Variants in RASEF observed in about 807,000 individuals in gnomAD.
RASEF encodes the protein ras and EF-hand domain-containing protein.
Under a neutral mutation model 90.1 loss-of-function variants are expected in RASEF, and 68 were observed. The observed-to-expected ratio is 0.75, with a 90% CI of 0.62 to 0.92. RASEF has a LOEUF of 0.92. RASEF is among the 40% of genes least tolerant of loss of function. The probability of loss-of-function intolerance (pLI) is 0.00; values close to 1 mark genes in which losing one functional copy is unlikely to be tolerated. For synonymous variants in RASEF, 331 were observed against 345.2 expected (o/e 0.96, Z 0.46); for missense variants, 949 against 937.2 (o/e 1.01, Z -0.16).
the RASEF span, among the ~76,000 whole-genome samples, chr9:83,199,576 A>G: frequency 3.3e-5 from 5 of 152,216 alleles, no homozygotes; most frequent in Non-Finnish European, 7.3e-5. Flanking sequence ...AAATCCTCTT[A>G]CGCAGTTTCT....
At chr9:83,099,451 A>G in the RASEF span, among the ~76,000 whole-genome samples, 31 of 152,340 alleles carry the variant, frequency 2.0e-4, no homozygotes, top group African/African-American at 7.2e-4. Flanking sequence ...TTATTTTCTC[A>G]TATACTCAGG....
the RASEF span, among the ~76,000 whole-genome samples, chr9:83,152,551 T>C: frequency 6.6e-6 from 1 of 152,226 alleles, no homozygotes; most frequent in Non-Finnish European, 1.5e-5. Context: ...CTTAATCCAC[T>C]GCCTTTCTTC....
At chr9:83,174,279 T>C in the RASEF span, among the ~76,000 whole-genome samples, 1 of 152,112 alleles carries the variant, frequency 6.6e-6, no homozygotes, top group Non-Finnish European at 1.5e-5. Flanking sequence ...GAGTTTTAGT[T>C]CTTATGTTCA....
chr9:83,193,453 A>C, the RASEF span, among the ~76,000 whole-genome samples: 1 of 152,232 alleles, frequency 6.6e-6, no homozygotes, highest in African/African-American at 2.4e-5. Flanking sequence ...AGAAAATTAG[A>C]ATGCCAGTAA....
chr9:83,000,607 A>C, intron 10 of RASEF, 37 bp from the exon 11 acceptor site: 1 of 1,560,672 alleles, frequency 6.4e-7, no homozygotes. Flanking sequence ...AAATTAAAAA[A>C]TGTCAGCAGT....
At chr9:83,169,499 C>T in the RASEF span, among the ~76,000 whole-genome samples, 1 of 151,952 alleles carries the variant, frequency 6.6e-6, no homozygotes, top group African/African-American at 2.4e-5. Context: ...TTGCCACCAA[C>T]GGTGTAGTGT....
intron 14 of RASEF, 139 bp from the exon 15 acceptor site, chr9:82,993,164 C>T (rs1828846925): frequency 2.6e-6 from 2 of 772,984 alleles, no homozygotes; most frequent in Non-Finnish European, 4.0e-6. Flanking sequence ...ATCTTTAAAC[C>T]TCAAAGTATC....
At chr9:83,142,646 T>C in the RASEF span, among the ~76,000 whole-genome samples, 2 of 152,120 alleles carry the variant, frequency 1.3e-5, no homozygotes, top group African/African-American at 4.8e-5. Context: ...AGAGAAACTA[T>C]AGGGAGTGGT....
chr9:83,087,304 T>C, the RASEF span, among the ~76,000 whole-genome samples: 2 of 152,248 alleles, frequency 1.3e-5, no homozygotes, highest in East Asian at 3.9e-4. Flanking sequence ...GGGAGGCACT[T>C]GGATTTAGTG....
chr9:83,124,989 C>G, the RASEF span, among the ~76,000 whole-genome samples: 84 of 152,366 alleles, frequency 5.5e-4, no homozygotes, highest in African/African-American at 1.7e-3. Context: ...CCAATTGCTT[C>G]TCTTCCTTGC....
the RASEF span, among the ~76,000 whole-genome samples, chr9:83,101,447 C>T: frequency 1.8e-4 from 27 of 152,186 alleles, no homozygotes; most frequent in Non-Finnish European, 2.5e-4. Flanking sequence ...TGTGAAATAT[C>T]GTACTGGGCA....
intron 1 of RASEF, among the ~76,000 whole-genome samples, chr9:83,027,587 A>C (rs1829570932): frequency 6.6e-6 from 1 of 152,214 alleles, no homozygotes; most frequent in Non-Finnish European, 1.5e-5. Flanking sequence ...GTTATTATTT[A>C]AAATCTTTTA....
the RASEF span, among the ~76,000 whole-genome samples, chr9:83,172,884 C>T: frequency 6.6e-6 from 1 of 151,930 alleles, no homozygotes; most frequent in East Asian, 1.9e-4. Flanking sequence ...TATTGTTGCA[C>T]ATTAGCATCC....
intron 16 of RASEF, among the ~76,000 whole-genome samples, chr9:82,987,754 A>C (rs1828734163): frequency 6.6e-6 from 1 of 152,222 alleles, no homozygotes; most frequent in African/African-American, 2.4e-5. Flanking sequence ...ACAGGCTCTT[A>C]GAATTAGAAA....
the RASEF span, among the ~76,000 whole-genome samples, chr9:83,143,857 A>G: frequency 1.3e-5 from 2 of 152,146 alleles, no homozygotes; most frequent in Admixed American, 1.3e-4. Context: ...ACATATGCTC[A>G]TATGTTCATA....
At chr9:83,134,696 G>T in the RASEF span, among the ~76,000 whole-genome samples, 1 of 152,120 alleles carries the variant, frequency 6.6e-6, no homozygotes, top group African/African-American at 2.4e-5. Flanking sequence ...AAACAGTCTA[G>T]CAGTTCCTCA....
At chr9:83,001,418 T>C (rs1408092145) in intron 9 of RASEF, among the ~76,000 whole-genome samples, 2 of 152,158 alleles carry the variant, frequency 1.3e-5, no homozygotes, top group Non-Finnish European at 2.9e-5. Flanking sequence ...TTAGAGTACC[T>C]AAGACATAAA....
Position 83,062,725 on chromosome 9 carries a change from T to G in RASEF, c.143A>C (p.Glu48Ala). Residue 48 changes from glutamate to alanine, a missense_variant, in exon 1 of 17, where the codon GAG becomes GCG. This residue lies in a region of RASEF where 656 missense variants were observed against 592.2 expected (regional missense o/e 1.11). Coordinates refer to ENST00000376447, the MANE Select transcript of RASEF (RefSeq NM_152573.4). ...TELRVRPADA[E>A]AVFQRLDADR... Reference sequence around the variant, plus strand: ...GGCGTCCAGCCGCTGGAATACTGCCTCGGCGTCGGCCGGCCGCACCCGCAG... The same window carrying G: ...GGCGTCCAGCCGCTGGAATACTGCCGCGGCGTCGGCCGGCCGCACCCGCAG... 6.4e-7 allele frequency: 1 copy of G among 1,574,752 alleles called. No individual in the cohort carries two copies. Among genetic ancestry groups the G allele is most frequent in the Non-Finnish European group, 8.6e-7 (1 of 1,169,026 alleles).
chr9:83,137,198 A>G, the RASEF span, among the ~76,000 whole-genome samples: 2 of 152,126 alleles, frequency 1.3e-5, no homozygotes, highest in South Asian at 2.1e-4. Context: ...AGTTTTGCCT[A>G]CATATAATTG....
Sources: gnomAD v4.1 joint callset for allele counts (sites outside exome capture counted in the v4.1 genomes callset) on GRCh38, gnomAD v4.1.1 for gene constraint, gnomAD v4.1.1 regional missense constraint, MANE v1.5 for transcripts, NCBI Gene and HGNC (gene_info 2026-07-23, HGNC 2026-07-21) for gene names.